PARVG: variants seen among roughly 807,000 people sequenced by gnomAD.
PARVG encodes parvin gamma.
In PARVG, 36 loss-of-function variants were observed where a neutral mutation model predicts 44.4. That is an observed-to-expected ratio of 0.81 (90% CI 0.62 to 1.07). The LOEUF (loss-of-function observed/expected upper bound fraction) is 1.07, where lower values mean the gene tolerates loss of function less well. Among genes scored for constraint, PARVG ranks in the 50% least tolerant of loss-of-function variants. The probability of loss-of-function intolerance (pLI) is 0.00; values close to 1 mark genes in which losing one functional copy is unlikely to be tolerated. For synonymous variants in PARVG, 170 were observed against 174.1 expected (o/e 0.98, Z 0.19); for missense variants, 407 against 407.4 (o/e 1.00, Z 0.01).
At chr22:44,204,758 G>C (rs576291346) in intron 12 of PARVG, among the ~76,000 whole-genome samples, 97 of 152,382 alleles carry the variant, frequency 6.4e-4, no homozygotes, top group African/African-American at 2.1e-3. Context: ...ACCCCGTCTA[G>C]TGGATCTACG....
chr22:44,196,040 C>T (rs888278092), intron 9 of PARVG, 115 bp from the exon 10 acceptor site: 18 of 1,100,240 alleles, frequency 1.6e-5, no homozygotes, highest in South Asian at 1.5e-4. Flanking sequence ...TGATGTAAAA[C>T]GACAGCTCCC....
chr22:44,196,112 T>C (rs1316730154), intron 9 of PARVG, 43 bp from the exon 10 acceptor site: 12 of 1,610,752 alleles, frequency 7.4e-6, no homozygotes, highest in African/African-American at 1.3e-5. Context: ...GGCACAAAGA[T>C]AATAGCATCG....
At chr22:44,189,966 A>G (rs542379220) in intron 6 of PARVG, among the ~76,000 whole-genome samples, 1 of 151,864 alleles carries the variant, frequency 6.6e-6, no homozygotes, top group Non-Finnish European at 1.5e-5. Context: ...AGACTTCCCC[A>G]CCCCACCTGG....
intron 5 of PARVG, 177 bp downstream of exon 5, chr22:44,188,055 C>T: frequency 1.5e-6 from 1 of 669,988 alleles, no homozygotes. Flanking sequence ...GTCCACAGCC[C>T]ATGAGTGAGG....
rs774176044 is a variant in PARVG, at chr22:44,198,605, G to T, written c.712-16G>T. On this transcript the variant is annotated splice_polypyrimidine_tract_variant and intron_variant, in intron 11 of 13. Coordinates refer to ENST00000444313, the MANE Select transcript of PARVG (RefSeq NM_022141.7). ...GGCTTCTTCCATGTGATTGTCTCCAGTTCCTTCCTTTGTAGTTTGCAGATG... is the reference window on the plus strand; with the variant it reads ...GGCTTCTTCCATGTGATTGTCTCCATTTCCTTCCTTTGTAGTTTGCAGATG... 3 of 1,593,636 alleles carry T rather than the reference G, an allele frequency of 1.9e-6. No homozygotes were observed. Among genetic ancestry groups the T allele is most frequent in the South Asian group, 1.1e-5 (1 of 90,648 alleles).
At chr22:44,204,749 C>G (rs1029625011) in intron 12 of PARVG, among the ~76,000 whole-genome samples, 11 of 152,238 alleles carry the variant, frequency 7.2e-5, no homozygotes, top group African/African-American at 2.7e-4. Context: ...GGGATGTCCA[C>G]CCCGTCTAGT....
At chr22:44,176,960 T>C (rs566276075), upstream of PARVG, among the ~76,000 whole-genome samples, 17 of 152,074 alleles carry the variant, frequency 1.1e-4, no homozygotes, top group African/African-American at 2.4e-4. Context: ...TTCACCATCA[T>C]GAGAACAGCA....
At chr22:44,198,990 CATCTACCTAT>C (rs2054668155) in intron 12 of PARVG, among the ~76,000 whole-genome samples, 1 of 139,374 alleles carries the variant, frequency 7.2e-6, no homozygotes, top group African/African-American at 2.7e-5. Context: ...ATCCATCCAT[CATCTACCTAT>C]CTATCCATCC....
chr22:44,186,706 G>T, intron 4 of PARVG: 2 of 468,660 alleles, frequency 4.3e-6, no homozygotes, highest in South Asian at 1.5e-5. Flanking sequence ...ACAAGGATTT[G>T]GATGCCAGTA....
At position 44,192,044 on chromosome 22, in the gene PARVG, C is replaced by G. The variant is rs141869201; in HGVS notation, c.505-5C>G. On this transcript the variant is annotated splice_polypyrimidine_tract_variant and splice_region_variant and intron_variant, in intron 7 of 13. Coordinates refer to ENST00000444313, the MANE Select transcript of PARVG (RefSeq NM_022141.7). ...TTTAATTTCTTCCCCCTTTATTTTT[C>G]TTAGAGCACCAAAAGTGGTCTGAAG... The G allele has an allele frequency of 7.8e-5, 126 of 1,613,448 alleles. No individual in the cohort carries two copies. The African/African-American group carries it at 1.5e-3, about 20-fold the overall frequency.
Position 44,207,446 on chromosome 22 carries a change from G to A in PARVG, c.*1020G>A, listed in dbSNP as rs1197995968. 1 of 140,314 alleles carries A rather than the reference G, an allele frequency of 7.1e-6. No homozygotes were observed. The highest frequency in any genetic ancestry group is 7.1e-5 in the Admixed American group (1 of 14,150). The allele number at this position is 140,314 out of a possible 1,614,324, so 8.7% of individuals were successfully genotyped here. ...GGGAGGGGTGAGGCTGGTGGGGAGG[G>A]CTGGGGCCTGGTGGGGAGGAGTGGG... On this transcript the variant is annotated 3_prime_UTR_variant, in exon 14 of 14. Coordinates refer to ENST00000444313, the MANE Select transcript of PARVG (RefSeq NM_022141.7).
chr22:44,182,053 C>T lies in PARVG; in HGVS notation c.-13+136C>T. The T allele has an allele frequency of 1.5e-6, 1 of 681,860 alleles. No individual in the cohort carries two copies. 42.2% of individuals were successfully genotyped at this position (681,860 alleles called of 1,614,324 possible). On this transcript the variant is annotated intron_variant, in intron 2 of 13. Transcript: ENST00000444313. The surrounding 1 kb of genome is among the most constrained non-coding windows in gnomAD (Gnocchi z 4.6). ...GGGGAAGGGAGTCGGTAAAGTGGGA[C>T]CTTGAGTCCCCACGGCCCCTCCGGC...
chr22:44,186,394 G>A (rs748226905), intron 4 of PARVG: 11 of 366,380 alleles, frequency 3.0e-5, no homozygotes, highest in South Asian at 5.9e-5. Context: ...GGCACAGGTG[G>A]GCTCCAGGCC....
In PARVG at chr22:44,206,619, G is replaced by C. The variant is rs2054785885; in HGVS notation, c.*193G>C. On this transcript the variant is annotated 3_prime_UTR_variant, in exon 14 of 14. Transcript: ENST00000444313. ...GGATCATTTTGAGCCGCCTGGCCTTGCTCAGTTTATTTTAATAAAAGTATT... is the reference window on the plus strand; with the variant it reads ...GGATCATTTTGAGCCGCCTGGCCTTCCTCAGTTTATTTTAATAAAAGTATT... The C allele has an allele frequency of 1.7e-6, 1 of 592,908 alleles. No individual in the cohort carries two copies. The highest frequency in any genetic ancestry group is 3.0e-6 in the Non-Finnish European group (1 of 334,226). The allele number at this position is 592,908 out of a possible 1,614,324, so 36.7% of individuals were successfully genotyped here. A position where few individuals can be genotyped will look rare whatever the true frequency, so the allele number is the denominator to read the frequency against.
At chr22:44,191,844 T>C (rs2147228996) in intron 7 of PARVG, among the ~76,000 whole-genome samples, 1 of 152,310 alleles carries the variant, frequency 6.6e-6, no homozygotes, top group Admixed American at 6.5e-5. Context: ...TCATTGATAC[T>C]GCCCTCCTCC....
intron 1 of PARVG, among the ~76,000 whole-genome samples, chr22:44,175,344 A>G (rs1226048585): frequency 2.0e-5 from 3 of 152,220 alleles, no homozygotes; most frequent in Non-Finnish European, 4.4e-5. Context: ...CAGAACTGGC[A>G]GAATCTGAGA....
At chr22:44,176,139 A>T (rs2054317496), upstream of PARVG, among the ~76,000 whole-genome samples, 1 of 152,226 alleles carries the variant, frequency 6.6e-6, no homozygotes, top group Non-Finnish European at 1.5e-5. Flanking sequence ...GCCGGAAAGC[A>T]GGGAAGCACA....
chr22:44,199,097 TTAACTGCCTACCTGTCCATCCACC>T (rs1035591001), intron 12 of PARVG, among the ~76,000 whole-genome samples: 3 of 150,966 alleles, frequency 2.0e-5, no homozygotes, highest in Non-Finnish European at 3.0e-5. Context: ...ACCCATCCAT[TTAACTGCCTACCTGTCCATCCACC>T]TAACTGCCTA....
In PARVG at chr22:44,181,824, C is replaced by T; in HGVS notation, c.-106C>T. On this transcript the variant is annotated 5_prime_UTR_variant, in exon 2 of 14. Coordinates refer to ENST00000444313, the MANE Select transcript of PARVG (RefSeq NM_022141.7). The stretch of plus-strand genomic sequence containing the variant: ...TGCCTCCCGGCCTGGTCCCCGAAGA[C>T]CCCAGAAGAACCCGGAACTTGCTTC... 1.0e-6 allele frequency: 1 copy of T among 985,514 alleles called. No homozygotes were observed. Among genetic ancestry groups the T allele is most frequent in the Non-Finnish European group, 1.2e-6 (1 of 830,006 alleles). The allele number at this position is 985,514 out of a possible 1,614,324, so 61.0% of individuals were successfully genotyped here. A position where few individuals can be genotyped will look rare whatever the true frequency, so the allele number is the denominator to read the frequency against.
Sources: gnomAD v4.1 joint callset for allele counts (sites outside exome capture counted in the v4.1 genomes callset) on GRCh38, gnomAD v4.1.1 for gene constraint, Gnocchi (gnomAD v3.1) non-coding constraint, MANE v1.5 for transcripts, NCBI Gene and HGNC (gene_info 2026-07-23, HGNC 2026-07-21) for gene names.